The following FANCA variants were observed in gnomAD, a reference collection of about 807,000 sequenced individuals.
The protein encoded by FANCA is FA complementation group A.
FANCA carries 236 observed loss-of-function variants against 194.3 expected under a neutral mutation model. The ratio of observed to expected loss-of-function variants is 1.21; its 90% CI spans 1.09 to 1.35. FANCA has a LOEUF of 1.35. FANCA is among the 40% of genes most tolerant of loss of function. The pLI, the probability that FANCA is intolerant of heterozygous loss-of-function variation, is 0.00. For missense variants in FANCA, 2,628 were observed against 1,813.9 expected (o/e 1.45, Z -8.15); for synonymous variants, 1,014 against 715.8 (o/e 1.42, Z -6.65).
chr16:89,737,588 C>A lies in FANCA; in HGVS notation c.*1013G>T. On this transcript the variant is annotated 3_prime_UTR_variant, in exon 43 of 43. Transcript: ENST00000389301. Reference sequence around the variant, plus strand: ...TTCTGAGGTTTCTTTAAAAACCATCCTGAAATGCACACAGCTGATGAAGCC... The same window carrying A: ...TTCTGAGGTTTCTTTAAAAACCATCATGAAATGCACACAGCTGATGAAGCC... The A allele has an allele frequency of 2.5e-6, 2 of 803,244 alleles. No individual in the cohort carries two copies. The highest frequency in any genetic ancestry group is 3.7e-6 in the Non-Finnish European group (2 of 542,888). The allele number at this position is 803,244 out of a possible 1,614,324, so 49.8% of individuals were successfully genotyped here.
At position 89,792,846 on chromosome 16, in the gene FANCA, T is replaced by A. The variant is rs17226138; in HGVS notation, c.1007-299A>T. 7,637 of 382,216 alleles carry A rather than the reference T, an allele frequency of 0.02. 253 individuals carry two copies. The highest frequency in any genetic ancestry group is 0.088 in the South Asian group (4,216 of 47,840). The allele number at this position is 382,216 out of a possible 1,614,324, so 23.7% of individuals were successfully genotyped here. ...GAGTCATCTCCAATGATAGGTAAGG[T>A]CACGTGTCCACTGGATAGGGGGCCC... is the stretch of plus-strand genomic sequence containing the variant. On this transcript the variant is annotated intron_variant, in intron 11 of 42. Transcript: ENST00000389301.
chr16:89,780,518 G>A (rs565132611), intron 17 of FANCA, among the ~76,000 whole-genome samples: 1 of 151,886 alleles, frequency 6.6e-6, no homozygotes. Context: ...CAGCTACTCA[G>A]GACGTGGAGG....
chr16:89,748,040 T>C (rs1167519976), intron 33 of FANCA, among the ~76,000 whole-genome samples: 1 of 152,172 alleles, frequency 6.6e-6, no homozygotes, highest in African/African-American at 2.4e-5. Flanking sequence ...GCCTCTCAAG[T>C]AGGTGGGAGT....
intron 10 of FANCA, among the ~76,000 whole-genome samples, chr16:89,796,308 A>G (rs759424112): frequency 4.1e-4 from 62 of 152,054 alleles, no homozygotes; most frequent in South Asian, 6.2e-4. Context: ...GCAGAAGGAA[A>G]CAGGTTGGGA....
intron 6 of FANCA, among the ~76,000 whole-genome samples, chr16:89,806,381 T>C (rs1254858460): frequency 6.7e-6 from 1 of 149,882 alleles, no homozygotes; most frequent in Non-Finnish European, 1.5e-5. Flanking sequence ...TGATCATTCT[T>C]GGGTGTTTCT....
chr16:89,797,769 C>G (rs2040298064), intron 10 of FANCA, among the ~76,000 whole-genome samples: 1 of 151,982 alleles, frequency 6.6e-6, no homozygotes, highest in Non-Finnish European at 1.5e-5. Context: ...GTGGTGCATG[C>G]CTGTAATCCC....
At chr16:89,789,303 GC>G (rs2039992479) in intron 14 of FANCA, among the ~76,000 whole-genome samples, 2 of 101,762 alleles carry the variant, frequency 2.0e-5, no homozygotes, top group South Asian at 6.4e-4. Flanking sequence ...TCCTCAGAAG[GC>G]CTGGGGGGGG....
In FANCA at chr16:89,792,008, G is replaced by A. The variant is rs769718381; in HGVS notation, c.1144C>T (p.Gln382Ter). 1.9e-6 allele frequency: 3 copies of A among 1,614,066 alleles called. No individual in the cohort carries two copies. Among genetic ancestry groups the A allele is most frequent in the East Asian group, 2.2e-5 (1 of 44,896 alleles). Residue 382 changes from glutamine (Q) to a stop codon, truncating the protein, a stop_gained, in exon 13 of 43, where the codon CAG (glutamine) becomes TAG (stop). Transcript: ENST00000389301. LOFTEE classifies it high-confidence loss of function. ...AGCACTCTCTGCCAGTGAACCTCCT[G>A]CGTTTCCAGAACTTCTTGCAAATGG... ...VGHLQEVLET[Q>*]EVHWQRVLSF...
At chr16:89,794,910 A>G (rs2040192230) in intron 11 of FANCA, among the ~76,000 whole-genome samples, 1 of 152,222 alleles carries the variant, frequency 6.6e-6, no homozygotes, top group Non-Finnish European at 1.5e-5. Context: ...AAGGGTAGCC[A>G]GCAGAAAGAT....
Position 89,811,220 on chromosome 16 carries a change from A to T in FANCA, c.284-149T>A, listed in dbSNP as rs1385298648. 7 of 961,338 alleles carry T rather than the reference A, an allele frequency of 7.3e-6. No individual in the cohort carries two copies. In the East Asian group the frequency reaches 1.3e-4, roughly 18 times the overall value. The allele number at this position is 961,338 out of a possible 1,614,324, so 59.6% of individuals were successfully genotyped here. ...GGAGAATAGATGCAAAGGGAAAAAC[A>T]TGAGATAAAAATGAGAATTTGATGA... On this transcript the variant is annotated intron_variant, in intron 3 of 42. Coordinates refer to ENST00000389301, the MANE Select transcript of FANCA (RefSeq NM_000135.4).
chr16:89,775,606 C>G, intron 21 of FANCA, 136 bp downstream of exon 21: 1 of 717,338 alleles, frequency 1.4e-6, no homozygotes, highest in Non-Finnish European at 2.5e-6. Context: ...GTGGGCGGAC[C>G]CTGTACCCAA....
At chr16:89,816,477 C>A in intron 1 of FANCA, 60 bp downstream of exon 1, 2 of 1,394,800 alleles carry the variant, frequency 1.4e-6, no homozygotes, top group South Asian at 1.4e-5. Flanking sequence ...GATCGGGGAA[C>A]CGGCGAAACC....
intron 11 of FANCA, among the ~76,000 whole-genome samples, chr16:89,793,237 G>C (rs896387808): frequency 6.6e-6 from 1 of 152,104 alleles, no homozygotes; most frequent in Non-Finnish European, 1.5e-5. Context: ...GCTGGACCAC[G>C]ATCCGCTTGG....
chr16:89,767,165 G>A lies in FANCA; in HGVS notation c.2577C>T (p.Cys859=). 6.2e-7 allele frequency: 1 copy of A among 1,613,086 alleles called. No homozygotes were observed. Among genetic ancestry groups the A allele is most frequent in the Non-Finnish European group, 8.5e-7 (1 of 1,179,050 alleles). ...CCTTTTTAATAAGGCCTGGAGATAAGCAGCTGCACAAAGTATCTCGTGACT... is the reference window on the plus strand; with the variant it reads ...CCTTTTTAATAAGGCCTGGAGATAAACAGCTGCACAAAGTATCTCGTGACT... ...SSQSRDTLCS[C]LSPGLIKKFQ... The change falls in exon 27 of 43, where the codon TGC becomes TGT. Residue 859 remains cysteine (C), a synonymous_variant. Transcript: ENST00000389301.
intron 3 of FANCA, among the ~76,000 whole-genome samples, chr16:89,813,118 G>C (rs940796557): frequency 6.6e-6 from 1 of 151,886 alleles, no homozygotes; most frequent in Non-Finnish European, 1.5e-5. Context: ...GAAATTCTCG[G>C]TAGAAAAGTA....
intron 28 of FANCA, among the ~76,000 whole-genome samples, chr16:89,763,990 C>G (rs1426770536): frequency 6.6e-6 from 1 of 151,722 alleles, no homozygotes; most frequent in Non-Finnish European, 1.5e-5. Context: ...GCCTGTAATT[C>G]CAGCATTTTG....
intron 27 of FANCA, 107 bp from the exon 28 acceptor site, chr16:89,765,173 C>T: frequency 7.6e-7 from 1 of 1,313,066 alleles, no homozygotes; most frequent in East Asian, 2.5e-5. Flanking sequence ...ACACACACAA[C>T]CCCACATTCA....
intron 36 of FANCA, among the ~76,000 whole-genome samples, chr16:89,744,433 GT>G (rs1210208714): frequency 6.6e-6 from 1 of 152,124 alleles, no homozygotes; most frequent in Non-Finnish European, 1.5e-5. Context: ...GAGCTTGATG[GT>G]TTGCAAGGAC....
At chr16:89,812,973 T>C (rs1026943731) in intron 3 of FANCA, among the ~76,000 whole-genome samples, 2 of 147,276 alleles carry the variant, frequency 1.4e-5, no homozygotes, top group East Asian at 4.0e-4. Context: ...GCAGAGTTTG[T>C]AGTGAGCCGA....
Sources: gnomAD v4.1 joint callset for allele counts (sites outside exome capture counted in the v4.1 genomes callset) on GRCh38, gnomAD v4.1.1 for gene constraint, MANE v1.5 for transcripts, NCBI Gene and HGNC (gene_info 2026-07-23, HGNC 2026-07-21) for gene names.